The following SLC36A1 variants were observed in gnomAD, a reference collection of about 807,000 sequenced individuals.
The protein encoded by SLC36A1 is proton-coupled amino acid transporter 1.
A neutral mutation model predicts 47.5 loss-of-function variants in SLC36A1; 30 were observed. The observed-to-expected ratio is 0.63, with a 90% CI of 0.47 to 0.86. The LOEUF is 0.86. Ranked by LOEUF, SLC36A1 falls within the 40% of genes least tolerant of loss-of-function variation. The pLI is 0.00. For missense variants in SLC36A1, 517 were observed against 606.0 expected, an observed-to-expected ratio of 0.85 and a Z score of 1.54; for synonymous variants, 255 against 249.7, an observed-to-expected ratio of 1.02 and a Z score of -0.20.
chr5:151,537,848 G>C, the SLC36A1 span: 8 of 1,614,064 alleles, frequency 5.0e-6, no homozygotes, highest in Middle Eastern at 1.6e-4. Flanking sequence ...GAGAATATGT[G>C]ATCTGAGCAT....
chr5:151,476,782 A>G, intron 9 of SLC36A1, 26 bp downstream of exon 9: 1 of 1,610,654 alleles, frequency 6.2e-7, no homozygotes, highest in Non-Finnish European at 8.5e-7. Flanking sequence ...ATGGAAACCT[A>G]GGAGCACTGG....
the SLC36A1 span, chr5:151,553,357 G>T: frequency 6.2e-7 from 1 of 1,614,262 alleles, no homozygotes; most frequent in Non-Finnish European, 8.5e-7. Context: ...CTGGCTGAGA[G>T]TGGTGGCTGC....
chr5:151,419,419 T>A, the SLC36A1 span, among the ~76,000 whole-genome samples: 2 of 152,234 alleles, frequency 1.3e-5, no homozygotes, highest in Non-Finnish European at 2.9e-5. Flanking sequence ...GTACACATCT[T>A]GAGTCTTGAT....
At chr5:151,554,736 A>C in the SLC36A1 span, 4 of 1,264,648 alleles carry the variant, frequency 3.2e-6, no homozygotes, top group African/African-American at 6.3e-5. Flanking sequence ...CTATGCTTTA[A>C]CAACCTGGAA....
the SLC36A1 span, among the ~76,000 whole-genome samples, chr5:151,533,396 ACACACACAC>A: frequency 1.7e-4 from 12 of 70,216 alleles, no homozygotes; most frequent in South Asian, 1.2e-3. Context: ...TATCTCCAAC[ACACACACAC>A]ACACACACAC....
At chr5:151,417,059 G>A in the SLC36A1 span, among the ~76,000 whole-genome samples, 42 of 152,306 alleles carry the variant, frequency 2.8e-4, no homozygotes, top group Non-Finnish European at 3.5e-4. Context: ...ATGCTGAACT[G>A]TGAGTCAATT....
chr5:151,543,993 C>T, the SLC36A1 span: 1 of 1,614,196 alleles, frequency 6.2e-7, no homozygotes, highest in African/African-American at 1.3e-5. Context: ...GTTGTCTGAA[C>T]TCTGGGGGGT....
chr5:151,459,147 G>A (rs898510670), intron 2 of SLC36A1, among the ~76,000 whole-genome samples: 1 of 152,016 alleles, frequency 6.6e-6, no homozygotes, highest in Non-Finnish European at 1.5e-5. Context: ...AGCTGTGTTG[G>A]CCCCCCAAGG....
the SLC36A1 span, among the ~76,000 whole-genome samples, chr5:151,520,162 A>T: frequency 2.6e-5 from 4 of 152,228 alleles, no homozygotes; most frequent in Non-Finnish European, 5.9e-5. Flanking sequence ...GATATCCCGA[A>T]TGCCAGGCAG....
the SLC36A1 span, among the ~76,000 whole-genome samples, chr5:151,368,843 G>T: frequency 6.6e-6 from 1 of 152,162 alleles, no homozygotes; most frequent in Admixed American, 6.5e-5. Flanking sequence ...TAGTCCCCTT[G>T]AACAAAGGCA....
the SLC36A1 span, chr5:151,545,748 G>T: frequency 4.3e-6 from 7 of 1,614,026 alleles, no homozygotes; most frequent in East Asian, 2.2e-5. Context: ...TAGCTTCTTT[G>T]TCACTGTCAG....
chr5:151,400,621 C>A, the SLC36A1 span, among the ~76,000 whole-genome samples: 1 of 152,146 alleles, frequency 6.6e-6, no homozygotes, highest in South Asian at 2.1e-4. Flanking sequence ...ACATTTCCAC[C>A]AACAGTGTAT....
chr5:151,458,140 A>G (rs1156554801), intron 1 of SLC36A1, among the ~76,000 whole-genome samples: 3 of 151,222 alleles, frequency 2.0e-5, no homozygotes, highest in Admixed American at 6.6e-5. Context: ...GAGCCACCAC[A>G]CCCAGCCCAG....
At chr5:151,477,167 G>A (rs1050563746) in intron 9 of SLC36A1, among the ~76,000 whole-genome samples, 5 of 152,180 alleles carry the variant, frequency 3.3e-5, no homozygotes, top group African/African-American at 9.7e-5. Flanking sequence ...ACTGTGAGCC[G>A]GGGATTGTTG....
the SLC36A1 span, among the ~76,000 whole-genome samples, chr5:151,399,691 G>C: frequency 6.6e-6 from 1 of 152,020 alleles, no homozygotes; most frequent in Non-Finnish European, 1.5e-5. Context: ...TTGTTGGCAG[G>C]GATTGTCATA....
At chr5:151,541,472 C>T in the SLC36A1 span, among the ~76,000 whole-genome samples, 18 of 152,084 alleles carry the variant, frequency 1.2e-4, no homozygotes, top group African/African-American at 3.4e-4. Flanking sequence ...CCTATGTCTT[C>T]GGGAGTCTGT....
intron 1 of SLC36A1, among the ~76,000 whole-genome samples, chr5:151,438,133 C>A (rs967604707): frequency 3.3e-5 from 5 of 152,100 alleles, no homozygotes; most frequent in African/African-American, 1.2e-4. Flanking sequence ...AACAAGTTCC[C>A]GAGATTAATT....
the SLC36A1 span, among the ~76,000 whole-genome samples, chr5:151,367,154 A>G: frequency 6.6e-6 from 1 of 152,196 alleles, no homozygotes. Flanking sequence ...CAGTGCACGT[A>G]TTGTCTTGAT....
chr5:151,458,326 ATATATATGGGATATT>A (rs1754954221), intron 1 of SLC36A1, among the ~76,000 whole-genome samples: 1 of 103,984 alleles, frequency 9.6e-6, no homozygotes, highest in African/African-American at 3.3e-5. Context: ...ATATATATAT[ATATATATGGGATATT>A]TATATATATA....
Sources: allele counts gnomAD v4.1 joint callset (sites outside exome capture counted in the v4.1 genomes callset), GRCh38; gene constraint gnomAD v4.1.1; transcripts MANE v1.5; gene names NCBI Gene and HGNC (gene_info 2026-07-23, HGNC 2026-07-21).